HPCAL1: variants seen among roughly 807,000 people sequenced by gnomAD.
The protein encoded by HPCAL1 is hippocalcin like 1, also known as hippocalcin-like protein 1.
A neutral mutation model predicts 17.1 loss-of-function variants in HPCAL1; 8 were observed. That is an observed-to-expected ratio of 0.47 (90% CI 0.27 to 0.84). The LOEUF is 0.84. Ranked by LOEUF, HPCAL1 falls within the 40% of genes least tolerant of loss-of-function variation. The probability of loss-of-function intolerance (pLI) is 0.13; values close to 1 mark genes in which losing one functional copy is unlikely to be tolerated. For missense variants in HPCAL1, 165 were observed against 271.1 expected (o/e 0.61, Z 2.75); for synonymous variants, 112 against 111.4 (o/e 1.01, Z -0.03).
intron 1 of HPCAL1, among the ~76,000 whole-genome samples, chr2:10,370,931 G>T (rs1170022851): frequency 6.6e-6 from 1 of 152,238 alleles, no homozygotes; most frequent in Non-Finnish European, 1.5e-5. Flanking sequence ...AATTGGACGT[G>T]TGACGGGGCA....
intron 2 of HPCAL1, among the ~76,000 whole-genome samples, chr2:10,415,602 A>G (rs1046056901): frequency 4.6e-5 from 7 of 151,842 alleles, no homozygotes; most frequent in Admixed American, 1.3e-4. Flanking sequence ...TCCCTCTGAC[A>G]CACAGGAAGT....
At chr2:10,364,510 C>T (rs749544512) in intron 1 of HPCAL1, among the ~76,000 whole-genome samples, 68 of 151,810 alleles carry the variant, frequency 4.5e-4, no homozygotes, top group Non-Finnish European at 7.4e-4. Flanking sequence ...GGAGACTCCT[C>T]GCTGCTTCCC....
chr2:10,313,791 A>C (rs1308836300), intron 1 of HPCAL1, among the ~76,000 whole-genome samples: 1 of 152,240 alleles, frequency 6.6e-6, no homozygotes, highest in Non-Finnish European at 1.5e-5. Flanking sequence ...GGTACATCCA[A>C]CATAGAGCAA....
intron 1 of HPCAL1, among the ~76,000 whole-genome samples, chr2:10,361,624 C>T (rs1312348332): frequency 1.3e-5 from 2 of 152,126 alleles, no homozygotes; most frequent in Non-Finnish European, 2.9e-5. Context: ...TCTCATAAGG[C>T]GACTGTTATC....
At position 10,384,436 on chromosome 2, in the gene HPCAL1, C is replaced by T. The variant is rs1034659943; in HGVS notation, c.-110-12399C>T. Among the ~76,000 whole-genome samples, 11 of 152,210 alleles carry T rather than the reference C, an allele frequency of 7.2e-5. No individual in the cohort carries two copies. Among genetic ancestry groups the T allele is most frequent in the African/African-American group, 2.2e-4 (9 of 41,456 alleles). ...CAGGTTACCATCTGTGGTGTCCCCT[C>T]GCTCACACTCACTACTGCCCTCCAC... On this transcript the variant is annotated intron_variant, in intron 1 of 4. Coordinates refer to ENST00000307845, the MANE Select transcript of HPCAL1 (RefSeq NM_002149.4). The surrounding 1 kb of genome is among the most constrained non-coding windows in gnomAD (Gnocchi z 4.4).
chr2:10,387,323 G>A (rs1272298659), intron 1 of HPCAL1, among the ~76,000 whole-genome samples: 1 of 152,268 alleles, frequency 6.6e-6, no homozygotes, highest in East Asian at 1.9e-4. Context: ...CAGTCCTGGA[G>A]GAAGGGTGAC....
At chr2:10,352,706 C>G (rs1458094111) in intron 1 of HPCAL1, among the ~76,000 whole-genome samples, 1 of 152,204 alleles carries the variant, frequency 6.6e-6, no homozygotes, top group Non-Finnish European at 1.5e-5. Context: ...CTCAGGCCCC[C>G]CCAGGGAGAG....
chr2:10,405,479 GC>G (rs1364425969), intron 2 of HPCAL1, among the ~76,000 whole-genome samples: 1 of 152,260 alleles, frequency 6.6e-6, no homozygotes, highest in Non-Finnish European at 1.5e-5. Context: ...AGCAGAGTTG[GC>G]CCCGTAGTCT....
At chr2:10,386,961 A>G (rs766926752) in intron 1 of HPCAL1, among the ~76,000 whole-genome samples, 1 of 152,300 alleles carries the variant, frequency 6.6e-6, no homozygotes, top group Middle Eastern at 3.4e-3. Context: ...GACAGTGCCC[A>G]GGGAGTGGCC....
At chr2:10,412,403 T>C (rs1262621973) in intron 2 of HPCAL1, among the ~76,000 whole-genome samples, 1 of 152,178 alleles carries the variant, frequency 6.6e-6, no homozygotes, top group Non-Finnish European at 1.5e-5. Flanking sequence ...GGTTGAGAAA[T>C]GCTTTAGGGT....
At chr2:10,398,399 A>G (rs1191150833) in intron 2 of HPCAL1, among the ~76,000 whole-genome samples, 1 of 152,234 alleles carries the variant, frequency 6.6e-6, no homozygotes. Flanking sequence ...ACTCAGAAGG[A>G]ACCACCTTTG....
chr2:10,357,629 G>A (rs1174052356), intron 1 of HPCAL1, among the ~76,000 whole-genome samples: 2 of 152,218 alleles, frequency 1.3e-5, no homozygotes, highest in African/African-American at 4.8e-5. Flanking sequence ...AAATCCAGCA[G>A]AAAGCCGATG....
chr2:10,344,126 C>T lies in HPCAL1; in HGVS notation c.-111+40949C>T, dbSNP rs191478801. On this transcript the variant is annotated intron_variant, in intron 1 of 4. Coordinates refer to ENST00000307845, the MANE Select transcript of HPCAL1 (RefSeq NM_002149.4). This position sits in a 1 kb window ranked among gnomAD's most constrained non-coding sequence, Gnocchi z 4.9. ...CACGAAAAAGCCAGAACAAAACAAG[C>T]AGACGGTTGAGGACTGCAGTGAACT... 1.3e-5 allele frequency among the ~76,000 whole-genome samples: 2 copies of T among 152,314 alleles called. No individual in the cohort carries two copies. The highest frequency in any genetic ancestry group is 2.9e-5 in the Non-Finnish European group (2 of 68,022).
intron 1 of HPCAL1, among the ~76,000 whole-genome samples, chr2:10,324,988 A>AT (rs70948884): frequency 0.01 from 1,423 of 136,956 alleles, 13 homozygotes; most frequent in African/African-American, 0.025. Context: ...ACGCCCAGCA[A>AT]TTTTTTTTTT....
Position 10,420,074 on chromosome 2 carries a change from G to T in HPCAL1, c.317G>T (p.Ser106Ile). ...GAGCAGAAGCTCAAGTGGGCCTTCA[G>T]CATGTACGACCTGGACGGCAACGGC... ...KLEQKLKWAFSMYDLDGNGYI... is the reference protein window; with the variant it reads ...KLEQKLKWAFIMYDLDGNGYI... The change falls in exon 3 of 5, where the codon AGC (serine) becomes ATC (isoleucine). Residue 106 changes from serine to isoleucine, a missense_variant. Ser to Ile is a moderately radical substitution (Grantham distance 142). Transcript: ENST00000307845. 6.2e-7 allele frequency: 1 copy of T among 1,613,786 alleles called. No homozygotes were observed. Among genetic ancestry groups the T allele is most frequent in the South Asian group, 1.1e-5 (1 of 91,086 alleles).
chr2:10,309,262 G>A (rs933053246), intron 1 of HPCAL1, among the ~76,000 whole-genome samples: 1 of 152,026 alleles, frequency 6.6e-6, no homozygotes, highest in African/African-American at 2.4e-5. Context: ...TTGAGCTCCC[G>A]GGCTCAAATA....
intron 1 of HPCAL1, among the ~76,000 whole-genome samples, chr2:10,324,638 G>C (rs1372496492): frequency 4.0e-5 from 6 of 151,858 alleles, no homozygotes; most frequent in Non-Finnish European, 2.9e-5. Context: ...AACCACCCCT[G>C]GTCCTGCCTT....
chr2:10,422,934 G>C (rs746601743), intron 3 of HPCAL1, 49 bp from the exon 4 acceptor site: 2 of 1,398,366 alleles, frequency 1.4e-6, no homozygotes, highest in East Asian at 2.3e-5. Context: ...TGCTGCACCC[G>C]CCCAAGCCCC....
chr2:10,356,663 G>A (rs780359771), intron 1 of HPCAL1, among the ~76,000 whole-genome samples: 5 of 152,250 alleles, frequency 3.3e-5, no homozygotes, highest in East Asian at 1.9e-4. Flanking sequence ...ACCACCTGGC[G>A]CTTGGCCAAC....
Sources: gnomAD v4.1 joint callset for allele counts (sites outside exome capture counted in the v4.1 genomes callset) on GRCh38, gnomAD v4.1.1 for gene constraint, Gnocchi (gnomAD v3.1) non-coding constraint, MANE v1.5 for transcripts, NCBI Gene and HGNC (gene_info 2026-07-23, HGNC 2026-07-21) for gene names.